OR14J1: variants seen among roughly 807,000 people sequenced by gnomAD.
OR14J1 encodes the protein olfactory receptor 14J1.
For missense variants in OR14J1, 378 were observed against 393.4 expected (o/e 0.96, Z 0.33); for synonymous variants, 140 against 146.7 (o/e 0.95, Z 0.33).
intron 1 of OR14J1, among the ~76,000 whole-genome samples, chr6:29,304,880 T>G (rs1774975350): frequency 6.6e-6 from 1 of 152,194 alleles, no homozygotes; most frequent in South Asian, 2.1e-4. Flanking sequence ...AACACGATGC[T>G]TTTGATTTTC....
rs891430537 is a variant in OR14J1 at position 29,307,942 on chromosome 6, G to T, written c.*287G>T. 6.5e-5 allele frequency: 17 copies of T among 259,578 alleles called. No homozygotes were observed. The highest frequency in any genetic ancestry group is 3.2e-4 in the African/African-American group (14 of 44,426). 16.1% of individuals were successfully genotyped at this position (259,578 alleles called of 1,614,324 possible). On this transcript the variant is annotated 3_prime_UTR_variant, in exon 2 of 2. Coordinates refer to ENST00000641895, the MANE Select transcript of OR14J1 (RefSeq NM_030946.2). ...TTAAAACTTGTTATTAACAAATAAGGTTGGAGATAGATGAAGCTAACTGGG... is the reference window on the plus strand; with the variant it reads ...TTAAAACTTGTTATTAACAAATAAGTTTGGAGATAGATGAAGCTAACTGGG...
chr6:29,307,391 G>A lies in OR14J1; in HGVS notation c.702G>A (p.Lys234=), dbSNP rs139476225. 9 of 1,613,048 alleles carry A rather than the reference G, an allele frequency of 5.6e-6. No homozygotes were observed. The highest frequency in any genetic ancestry group is 7.6e-6 in the Non-Finnish European group (9 of 1,180,018). ...LRIPSAEGRT[K]VFSTCLPHLF... ...TCCCATCAGCTGAGGGCCGGACCAA[G>A]GTCTTCTCCACCTGCCTACCACACC... The change falls in exon 2 of 2, where the codon AAG becomes AAA. Residue 234 remains lysine (K), a synonymous_variant. Transcript: ENST00000641895.
Position 29,307,615 on chromosome 6 carries a change from C to T in OR14J1, c.926C>T (p.Pro309Leu). The change falls in exon 2 of 2, where the codon CCT (proline) becomes CTT (leucine). Residue 309 changes from proline (P) to leucine (L), a missense_variant. Coordinates refer to ENST00000641895, the MANE Select transcript of OR14J1 (RefSeq NM_030946.2). ...LRKMLSKEEL[P>L]QRKMCLKAMF... ...AAGATGCTGTCAAAGGAAGAGCTTC[C>T]TCAGAGAAAAATGTGCTTAAAAGCC... is the stretch of plus-strand genomic sequence containing the variant. The T allele has an allele frequency of 6.2e-7, 1 of 1,605,516 alleles. No homozygotes were observed. Among genetic ancestry groups the T allele is most frequent in the Non-Finnish European group, 8.5e-7 (1 of 1,179,146 alleles).
In OR14J1 at chr6:29,307,361, G is replaced by A. The variant is rs1293058240; in HGVS notation, c.672G>A (p.Leu224=). ...ACATTCGCATCTTCTCTACAGTGCT[G>A]AGAATCCCATCAGCTGAGGGCCGGA... ...LSYIRIFSTV[L]RIPSAEGRTK... The change falls in exon 2 of 2, where the codon CTG becomes CTA. Residue 224 remains leucine, a synonymous_variant. Transcript: ENST00000641895. 1 of 1,613,030 alleles carries A rather than the reference G, an allele frequency of 6.2e-7. No individual in the cohort carries two copies. The highest frequency in any genetic ancestry group is 1.1e-5 in the South Asian group (1 of 91,074).
rs753998995 is a variant in OR14J1 at position 29,307,384 on chromosome 6, G to A, written c.695G>A (p.Arg232Gln). 63 of 1,612,902 alleles carry A rather than the reference G, an allele frequency of 3.9e-5. 1 individual carries two copies. In the Middle Eastern group the frequency reaches 4.9e-4, roughly 13 times the overall value. Residue 232 changes from arginine (R) to glutamine (Q), a missense_variant, in exon 2 of 2, where the codon CGG becomes CAG. Arg to Gln is a conservative substitution (Grantham distance 43, BLOSUM62 1). Coordinates refer to ENST00000641895, the MANE Select transcript of OR14J1 (RefSeq NM_030946.2). ...TVLRIPSAEG[R>Q]TKVFSTCLPH... ...CTGAGAATCCCATCAGCTGAGGGCC[G>A]GACCAAGGTCTTCTCCACCTGCCTA...
intron 1 of OR14J1, among the ~76,000 whole-genome samples, chr6:29,305,182 T>C (rs1774995670): frequency 6.6e-6 from 1 of 152,174 alleles, no homozygotes; most frequent in Non-Finnish European, 1.5e-5. Flanking sequence ...CCTGAGACTG[T>C]TCCTTGTGGA....
In OR14J1 at chr6:29,311,171, G is replaced by A. The variant is rs974708718; in HGVS notation, c.*3516G>A. On this transcript the variant is annotated 3_prime_UTR_variant, in exon 2 of 2. Coordinates refer to ENST00000641895, the MANE Select transcript of OR14J1 (RefSeq NM_030946.2). The stretch of plus-strand genomic sequence containing the variant: ...TGTTGAATAAGAGTGGTGAGAGAGG[G>A]CATCCTTGTCTTGTGACAGTTTTCT... 1 of 152,138 alleles carries A rather than the reference G, an allele frequency of 6.6e-6. No individual in the cohort carries two copies. The highest frequency in any genetic ancestry group is 1.5e-5 in the Non-Finnish European group (1 of 68,034). 9.4% of individuals were successfully genotyped at this position (152,138 alleles called of 1,614,324 possible).
At position 29,307,056 on chromosome 6, in the gene OR14J1, G is replaced by C. The variant is rs950854998; in HGVS notation, c.367G>C (p.Ala123Pro). The C allele has an allele frequency of 6.2e-7, 1 of 1,612,978 alleles. No individual in the cohort carries two copies. The highest frequency in any genetic ancestry group is 8.5e-7 in the Non-Finnish European group (1 of 1,179,960). Residue 123 changes from alanine to proline, a missense_variant, in exon 2 of 2, where the codon GCA (alanine) becomes CCA (proline). By Grantham distance (27) the Ala-to-Pro change is conservative (BLOSUM62 -1). Transcript: ENST00000641895. ...AGTGATGTCTTATGACAGGTACGCAGCAATCTGTCAACCACTTCATTATGA... is the reference window on the plus strand; with the variant it reads ...AGTGATGTCTTATGACAGGTACGCACCAATCTGTCAACCACTTCATTATGA... The part of the protein sequence containing the change: ...LTVMSYDRYA[A>P]ICQPLHYETI...
chr6:29,303,728 A>G (rs1774874421), intron 1 of OR14J1, among the ~76,000 whole-genome samples: 1 of 149,892 alleles, frequency 6.7e-6, no homozygotes, highest in Admixed American at 6.6e-5. Context: ...CTATCTATCT[A>G]TCTATCATCT....
Position 29,307,143 on chromosome 6 carries a change from C to G in OR14J1, c.454C>G (p.Leu152Val), listed in dbSNP as rs1255974677. 1 of 1,612,904 alleles carries G rather than the reference C, an allele frequency of 6.2e-7. No individual in the cohort carries two copies. The highest frequency in any genetic ancestry group is 1.1e-5 in the South Asian group (1 of 91,060). The change falls in exon 2 of 2, where the codon CTC becomes GTC. Residue 152 changes from leucine to valine, a missense_variant. Coordinates refer to ENST00000641895, the MANE Select transcript of OR14J1 (RefSeq NM_030946.2). ...AVIAVWIAGG[L>V]SGLMHAAINF... ...GATAGCTGTGTGGATTGCTGGGGGC[C>G]TCTCTGGGCTCATGCATGCTGCCAT...
At chr6:29,302,211 C>T (rs1412342379) in intron 1 of OR14J1, among the ~76,000 whole-genome samples, 1 of 116,424 alleles carries the variant, frequency 8.6e-6, no homozygotes, top group Non-Finnish European at 1.7e-5. Context: ...ACGAGTCTCG[C>T]TCTGTCACCC....
At position 29,307,128 on chromosome 6, in the gene OR14J1, TGG is replaced by T. The variant is rs766430899; in HGVS notation, c.440_441del (p.Trp147TyrfsTer14). On this transcript the variant is annotated frameshift_variant, in exon 2 of 2. Transcript: ENST00000641895. LOFTEE classifies it low-confidence loss of function (END_TRUNC). ...CTGTAGGCATGCAGTGATAGCTGTG[TGG>T]ATTGCTGGGGGCCTCTCTGGGCTCA... ...RACRHAVIAV[W>X]IAGGLSGLMH... 4 of 1,613,070 alleles carry T rather than the reference TGG, an allele frequency of 2.5e-6. No individual in the cohort carries two copies. The highest frequency in any genetic ancestry group is 3.4e-6 in the Non-Finnish European group (4 of 1,180,024).
rs547116741 is a variant in OR14J1, at chr6:29,310,109, T to C, written c.*2454T>C. Reference sequence around the variant, plus strand: ...TTTCTTTTCCTGTGCAGAAGCTCTTTAGTTTAATTTGATCCCATTTGTCAA... The same window carrying C: ...TTTCTTTTCCTGTGCAGAAGCTCTTCAGTTTAATTTGATCCCATTTGTCAA... On this transcript the variant is annotated 3_prime_UTR_variant, in exon 2 of 2. Coordinates refer to ENST00000641895, the MANE Select transcript of OR14J1 (RefSeq NM_030946.2). 3 of 152,240 alleles carry C rather than the reference T, an allele frequency of 2.0e-5. No homozygotes were observed. Among genetic ancestry groups the C allele is most frequent in the Non-Finnish European group, 2.9e-5 (2 of 68,054 alleles). The allele number at this position is 152,240 out of a possible 1,614,324, so 9.4% of individuals were successfully genotyped here. A position where few individuals can be genotyped will look rare whatever the true frequency, so the allele number is the denominator to read the frequency against.
rs752009932 is a variant in OR14J1 at position 29,312,839 on chromosome 6, C to G, written c.*5184C>G. On this transcript the variant is annotated 3_prime_UTR_variant, in exon 2 of 2. Coordinates refer to ENST00000641895, the MANE Select transcript of OR14J1 (RefSeq NM_030946.2). ...GATGACGAGGTCAGGAGATCAAGAC[C>G]ATCTTGGCTACCTTGTCAGGTATTT... is the stretch of plus-strand genomic sequence containing the variant. The G allele has an allele frequency of 2.6e-5, 4 of 152,274 alleles. No homozygotes were observed. Among genetic ancestry groups the G allele is most frequent in the Non-Finnish European group, 5.9e-5 (4 of 68,110 alleles). The allele number at this position is 152,274 out of a possible 1,614,324, so 9.4% of individuals were successfully genotyped here.
intron 1 of OR14J1, among the ~76,000 whole-genome samples, chr6:29,304,432 A>T (rs931290210): frequency 2.6e-5 from 4 of 152,114 alleles, no homozygotes; most frequent in Admixed American, 6.5e-5. Flanking sequence ...GAATCATTAT[A>T]CTCTCCACCA....
Position 29,312,733 on chromosome 6 carries a change from G to A in OR14J1, c.*5078G>A, listed in dbSNP as rs1775613237. ...TAGTTGTTCCATATTATATTCCCTA[G>A]ATAATCAAGAATTGTTATAAAGGGC... On this transcript the variant is annotated 3_prime_UTR_variant, in exon 2 of 2. Coordinates refer to ENST00000641895, the MANE Select transcript of OR14J1 (RefSeq NM_030946.2). The A allele has an allele frequency of 6.6e-6, 1 of 152,124 alleles. No homozygotes were observed. Among genetic ancestry groups the A allele is most frequent in the African/African-American group, 2.4e-5 (1 of 41,408 alleles). 9.4% of individuals were successfully genotyped at this position (152,124 alleles called of 1,614,324 possible).
In OR14J1 at chr6:29,307,201, T is replaced by G. The variant is rs752441835; in HGVS notation, c.512T>G (p.Val171Gly). 6.2e-7 allele frequency: 1 copy of G among 1,612,952 alleles called. No individual in the cohort carries two copies. Among genetic ancestry groups the G allele is most frequent in the African/African-American group, 1.3e-5 (1 of 75,020 alleles). ...TCCATACCTCTCTGTGGGAAGAGAG[T>G]CATTCACCAATTCTTCTGTGATGTT... The part of the protein sequence containing the change: ...NFSIPLCGKR[V>G]IHQFFCDVPQ... Residue 171 changes from valine to glycine, a missense_variant, in exon 2 of 2, where the codon GTC (valine) becomes GGC (glycine). Transcript: ENST00000641895.
At chr6:29,304,836 A>T (rs1046882488) in intron 1 of OR14J1, among the ~76,000 whole-genome samples, 4 of 152,202 alleles carry the variant, frequency 2.6e-5, no homozygotes, top group Non-Finnish European at 4.4e-5. Context: ...TTTTTCTTAG[A>T]TTACATTAAC....
rs756135978 is a variant in OR14J1, at chr6:29,307,537, T to G, written c.848T>G (p.Leu283Arg). ...SVFYTVIPPT[L>R]NPVIYSLRND... is the part of the protein sequence containing the mutation. ...TTCTATACTGTGATACCTCCAACAC[T>G]CAATCCAGTCATTTATAGCTTACGG... The change falls in exon 2 of 2, where the codon CTC (leucine) becomes CGC (arginine). Residue 283 changes from leucine (L) to arginine (R), a missense_variant. Transcript: ENST00000641895. The G allele has an allele frequency of 6.2e-7, 1 of 1,612,762 alleles. No homozygotes were observed. Among genetic ancestry groups the G allele is most frequent in the Admixed American group, 1.7e-5 (1 of 59,994 alleles).
Sources: allele counts gnomAD v4.1 joint callset (sites outside exome capture counted in the v4.1 genomes callset), GRCh38; gene constraint gnomAD v4.1.1; transcripts MANE v1.5; gene names NCBI Gene and HGNC (gene_info 2026-07-23, HGNC 2026-07-21).